USP32: variants seen among roughly 807,000 people sequenced by gnomAD.
USP32 encodes the protein ubiquitin carboxyl-terminal hydrolase 32.
USP32 carries 59 observed loss-of-function variants against 204.8 expected under a neutral mutation model. The observed-to-expected ratio is 0.29, with a 90% CI of 0.23 to 0.36. The LOEUF (loss-of-function observed/expected upper bound fraction) is 0.36. USP32 is among the 10% of genes least tolerant of loss of function. The pLI, the probability that USP32 is intolerant of heterozygous loss-of-function variation, is 1.00. For synonymous variants in USP32, 517 were observed against 678.4 expected (o/e 0.76, Z 3.70); for missense variants, 1,160 against 1,946.4 (o/e 0.60, Z 7.60).
At chr17:60,371,223 G>A (rs1380390399) in intron 1 of USP32, among the ~76,000 whole-genome samples, 1 of 138,810 alleles carries the variant, frequency 7.2e-6, no homozygotes, top group African/African-American at 2.7e-5. Flanking sequence ...TTCAGCCTGA[G>A]CAACAGGGGA....
intron 9 of USP32, among the ~76,000 whole-genome samples, chr17:60,257,353 T>C (rs2086337630): frequency 6.6e-6 from 1 of 152,204 alleles, no homozygotes; most frequent in Non-Finnish European, 1.5e-5. Flanking sequence ...GGAGTCAGTA[T>C]GAAACACACA....
chr17:60,184,620 C>A (rs1357679745), intron 30 of USP32, among the ~76,000 whole-genome samples: 1 of 151,934 alleles, frequency 6.6e-6, no homozygotes, highest in Non-Finnish European at 1.5e-5. Context: ...ACTAGCCTGG[C>A]CAACATGGTG....
At chr17:60,263,018 G>A (rs1005176677) in intron 9 of USP32, among the ~76,000 whole-genome samples, 14 of 151,962 alleles carry the variant, frequency 9.2e-5, no homozygotes, top group Admixed American at 8.5e-4. Flanking sequence ...GTGTAATCAT[G>A]GCACACTGCA....
At chr17:60,314,136 T>C (rs2087918868) in intron 2 of USP32, among the ~76,000 whole-genome samples, 1 of 126,346 alleles carries the variant, frequency 7.9e-6, no homozygotes, top group East Asian at 2.2e-4. Flanking sequence ...GGCTTTTTTT[T>C]TTTTTTTTTT....
At chr17:60,245,448 G>A (rs2085993389) in intron 11 of USP32, 7 of 354,860 alleles carry the variant, frequency 2.0e-5, no homozygotes, top group South Asian at 1.6e-4. Context: ...TGACATTGCG[G>A]ACCAGGAAAT....
intron 1 of USP32, among the ~76,000 whole-genome samples, chr17:60,372,035 G>A (rs777909456): frequency 5.3e-5 from 8 of 152,108 alleles, no homozygotes; most frequent in East Asian, 1.9e-4. Flanking sequence ...TAACTATTGC[G>A]GTAGGATTAA....
In USP32 at chr17:60,360,062, G is replaced by A. The variant is rs563745760; in HGVS notation, c.59-14454C>T. The stretch of plus-strand genomic sequence containing the variant: ...TTTTTGTATTTTTAGTAGAAACGGG[G>A]TTTCACCATGTTAGCCAGGATGGTC... On this transcript the variant is annotated intron_variant, in intron 1 of 33. Transcript: ENST00000300896. Among the ~76,000 whole-genome samples, 266 of 151,182 alleles carry A rather than the reference G, an allele frequency of 1.8e-3. 2 individuals are homozygous for A. The highest frequency in any genetic ancestry group is 7.0e-3 in the Middle Eastern group (2 of 286).
rs181551422 is a variant in USP32 at position 60,195,436 on chromosome 17, G to A, written c.3435-2506C>T. On this transcript the variant is annotated intron_variant, in intron 27 of 33. Transcript: ENST00000300896. Reference sequence around the variant, plus strand: ...CACTGCAACTTCCACCTACAGGGTTGAAGCAATTCTCAGGCCTCAGCCACC... The same window carrying A: ...CACTGCAACTTCCACCTACAGGGTTAAAGCAATTCTCAGGCCTCAGCCACC... 2.1e-3 allele frequency among the ~76,000 whole-genome samples: 321 copies of A among 152,248 alleles called. 3 individuals are homozygous for A. Among genetic ancestry groups the A allele is most frequent in the Admixed American group, 0.019 (294 of 15,290 alleles).
At chr17:60,255,718 T>A (rs1414792945) in intron 9 of USP32, among the ~76,000 whole-genome samples, 1 of 152,210 alleles carries the variant, frequency 6.6e-6, no homozygotes, top group East Asian at 1.9e-4. Flanking sequence ...TAGCAAAATT[T>A]TACAATTTGT....
chr17:60,353,535 G>A (rs1443574459), intron 1 of USP32, among the ~76,000 whole-genome samples: 1 of 152,124 alleles, frequency 6.6e-6, no homozygotes, highest in Non-Finnish European at 1.5e-5. Flanking sequence ...AAGGCCAGGA[G>A]TTCGAGACCA....
intron 2 of USP32, chr17:60,304,960 G>A (rs1431853760): frequency 1.3e-5 from 2 of 152,032 alleles, no homozygotes; most frequent in Non-Finnish European, 2.9e-5. Flanking sequence ...CTCATTTTAG[G>A]GCTGGGGGAA....
chr17:60,187,512 G>A (rs1305482574), intron 29 of USP32, among the ~76,000 whole-genome samples: 1 of 152,174 alleles, frequency 6.6e-6, no homozygotes, highest in African/African-American at 2.4e-5. Flanking sequence ...AGAAAAAGGG[G>A]TGTATCATAT....
chr17:60,306,266 C>T (rs2087719993), intron 2 of USP32, among the ~76,000 whole-genome samples: 1 of 152,152 alleles, frequency 6.6e-6, no homozygotes, highest in Non-Finnish European at 1.5e-5. Flanking sequence ...GTCTTGATGT[C>T]ATTTTTTGAA....
At chr17:60,260,295 T>C (rs1598157473) in intron 9 of USP32, among the ~76,000 whole-genome samples, 1 of 152,006 alleles carries the variant, frequency 6.6e-6, no homozygotes, top group East Asian at 1.9e-4. Context: ...CTGAGGCAGG[T>C]GGATCACCTG....
intron 1 of USP32, among the ~76,000 whole-genome samples, chr17:60,374,401 T>TG (rs1305563950): frequency 6.7e-6 from 1 of 149,914 alleles, no homozygotes; most frequent in African/African-American, 2.4e-5. Flanking sequence ...TAAGTTTTGT[T>TG]TTTTTTTTTT....
intron 15 of USP32, among the ~76,000 whole-genome samples, chr17:60,220,593 A>C (rs1238481086): frequency 1.3e-5 from 2 of 152,184 alleles, no homozygotes; most frequent in Non-Finnish European, 2.9e-5. Flanking sequence ...TTGTAAGAGT[A>C]GTAAATGATC....
At chr17:60,291,115 T>A (rs1202360718) in intron 4 of USP32, among the ~76,000 whole-genome samples, 1 of 152,232 alleles carries the variant, frequency 6.6e-6, no homozygotes, top group Admixed American at 6.5e-5. Flanking sequence ...ATTTGCCTAC[T>A]GTTATACAGT....
intron 25 of USP32, 82 bp from the exon 26 acceptor site, chr17:60,205,740 G>A: frequency 8.0e-7 from 1 of 1,257,208 alleles, no homozygotes; most frequent in Non-Finnish European, 1.1e-6. Context: ...CTGAGGACCA[G>A]AGACAGTGTA....
intron 3 of USP32, among the ~76,000 whole-genome samples, chr17:60,298,880 T>C (rs1274656056): frequency 6.6e-6 from 1 of 152,184 alleles, no homozygotes; most frequent in Non-Finnish European, 1.5e-5. Flanking sequence ...CCTAGCACTT[T>C]GGAAGACAGA....
Sources: gnomAD v4.1 joint callset for allele counts (sites outside exome capture counted in the v4.1 genomes callset) on GRCh38, gnomAD v4.1.1 for gene constraint, MANE v1.5 for transcripts, NCBI Gene and HGNC (gene_info 2026-07-23, HGNC 2026-07-21) for gene names.